Variants in WARS2 observed in about 807,000 individuals in gnomAD.
WARS2 encodes the protein tryptophanyl tRNA synthetase 2, mitochondrial.
Under a neutral mutation model 36.5 loss-of-function variants are expected in WARS2, and 28 were observed. The ratio of observed to expected loss-of-function variants is 0.77; its 90% CI spans 0.57 to 1.05. WARS2 has a LOEUF of 1.05. Among genes scored for constraint, WARS2 ranks in the 50% least tolerant of loss-of-function variants. WARS2 has a pLI of 0.00. For missense variants in WARS2, 435 were observed against 456.8 expected (o/e 0.95, Z 0.44); for synonymous variants, 174 against 178.4 (o/e 0.98, Z 0.20).
At chr1:119,085,958 C>T in intron 1 of WARS2, 1 of 1,610,020 alleles carries the variant, frequency 6.2e-7, no homozygotes, top group Non-Finnish European at 8.5e-7. Flanking sequence ...GGTTCATCTC[C>T]ACGGGCCCAA....
At position 119,031,296 on chromosome 1, in the gene WARS2, A is replaced by G. The variant is rs1390944364; in HGVS notation, c.*1615T>C. 2 of 152,216 alleles carry G rather than the reference A, an allele frequency of 1.3e-5. No individual in the cohort carries two copies. Among genetic ancestry groups the G allele is most frequent in the African/African-American group, 4.8e-5 (2 of 41,446 alleles). The allele number at this position is 152,216 out of a possible 1,614,324, so 9.4% of individuals were successfully genotyped here. ...CAAAGTTTCCTTTAAAGGGGAAAAA[A>G]CAGAGGCTTGTAAGAAATATGCTCA... On this transcript the variant is annotated 3_prime_UTR_variant, in exon 6 of 6. Coordinates refer to ENST00000235521, the MANE Select transcript of WARS2 (RefSeq NM_015836.4).
chr1:119,060,389 C>G (rs1014899500), intron 2 of WARS2, among the ~76,000 whole-genome samples: 2 of 152,188 alleles, frequency 1.3e-5, no homozygotes, highest in African/African-American at 4.8e-5. Flanking sequence ...AAGAGAAAAA[C>G]AGACAGATCT....
At chr1:119,092,239 T>C (rs896137901) in intron 1 of WARS2, among the ~76,000 whole-genome samples, 4 of 152,216 alleles carry the variant, frequency 2.6e-5, no homozygotes. Context: ...CCTAACTTAA[T>C]GTAGGGATGA....
At chr1:119,080,481 T>C (rs1197351420) in intron 1 of WARS2, among the ~76,000 whole-genome samples, 2 of 152,160 alleles carry the variant, frequency 1.3e-5, no homozygotes, top group Non-Finnish European at 2.9e-5. Context: ...TGGGATTCTA[T>C]ACATTAGTGC....
chr1:119,083,361 A>G (rs1243390411), intron 1 of WARS2, among the ~76,000 whole-genome samples: 1 of 152,166 alleles, frequency 6.6e-6, no homozygotes, highest in Non-Finnish European at 1.5e-5. Flanking sequence ...CATCTTGAAA[A>G]CAGAGAGCGG....
In WARS2 at chr1:119,033,282, C is replaced by T. The variant is rs1300524106; in HGVS notation, c.712G>A (p.Val238Ile). 2.5e-6 allele frequency: 4 copies of T among 1,614,226 alleles called. No homozygotes were observed. Among genetic ancestry groups the T allele is most frequent in the Non-Finnish European group, 3.4e-6 (4 of 1,180,044 alleles). ...TCCTCTGGGCTGTCTGTTATTCGGA[C>T]GGTGGCCAGTTTGTCAGGGTCTGAT... ...SKSDPDKLAT[V>I]RITDSPEEIV... is the part of the protein sequence containing the mutation. The change falls in exon 6 of 6, where the codon GTC becomes ATC. Residue 238 changes from valine to isoleucine, a missense_variant. Coordinates refer to ENST00000235521, the MANE Select transcript of WARS2 (RefSeq NM_015836.4).
chr1:119,090,629 T>C (rs951062603), intron 1 of WARS2, among the ~76,000 whole-genome samples: 2 of 152,160 alleles, frequency 1.3e-5, no homozygotes, highest in Admixed American at 6.6e-5. Context: ...TGCCAATACT[T>C]TGGGAGGCCG....
At chr1:119,049,977 G>T (rs1158980038) in intron 2 of WARS2, among the ~76,000 whole-genome samples, 1 of 152,058 alleles carries the variant, frequency 6.6e-6, no homozygotes, top group African/African-American at 2.4e-5. Flanking sequence ...TTACAACATA[G>T]ATCACATCAC....
chr1:119,079,674 G>A (rs1248689308), intron 1 of WARS2, among the ~76,000 whole-genome samples: 2 of 152,112 alleles, frequency 1.3e-5, no homozygotes, highest in African/African-American at 4.8e-5. Flanking sequence ...TTTTCCCCAA[G>A]TATTCCAAAT....
intron 2 of WARS2, among the ~76,000 whole-genome samples, chr1:119,058,256 T>C (rs1650009683): frequency 6.6e-6 from 1 of 152,082 alleles, no homozygotes; most frequent in African/African-American, 2.4e-5. Context: ...GAACCCTTCA[T>C]TGAAAATATT....
intron 1 of WARS2, among the ~76,000 whole-genome samples, chr1:119,119,852 T>C (rs587631085): frequency 6.6e-6 from 1 of 152,198 alleles, no homozygotes; most frequent in African/African-American, 2.4e-5. Flanking sequence ...TAAAAAATTA[T>C]TTGAACTGTG....
chr1:119,033,674 G>A (rs954346669), intron 5 of WARS2, among the ~76,000 whole-genome samples: 1 of 152,156 alleles, frequency 6.6e-6, no homozygotes, highest in Non-Finnish European at 1.5e-5. Flanking sequence ...CGCTGAAGGT[G>A]GGCTAGGCTA....
At chr1:119,129,393 A>G (rs1196948423) in intron 1 of WARS2, among the ~76,000 whole-genome samples, 1 of 152,216 alleles carries the variant, frequency 6.6e-6, no homozygotes, top group African/African-American at 2.4e-5. Context: ...ACATAGATTT[A>G]CCAGAAAGAT....
chr1:119,070,385 C>T (rs1214943960), intron 2 of WARS2, among the ~76,000 whole-genome samples: 1 of 152,012 alleles, frequency 6.6e-6, no homozygotes, highest in Admixed American at 6.5e-5. Context: ...CCTCAGCCTC[C>T]CTCCCAAGTA....
intron 1 of WARS2, among the ~76,000 whole-genome samples, chr1:119,133,975 GT>G (rs1656284154): frequency 6.6e-6 from 1 of 151,934 alleles, no homozygotes; most frequent in Non-Finnish European, 1.5e-5. Context: ...ACAAAATGCT[GT>G]ATTAAAATAG....
chr1:119,116,830 A>G (rs1403179239), intron 1 of WARS2, among the ~76,000 whole-genome samples: 1 of 152,196 alleles, frequency 6.6e-6, no homozygotes, highest in Non-Finnish European at 1.5e-5. Flanking sequence ...GCCACAGGCT[A>G]AGGGAAGCTC....
intron 1 of WARS2, chr1:119,127,203 C>T (rs587703721): frequency 4.1e-6 from 3 of 728,366 alleles, no homozygotes; most frequent in South Asian, 1.4e-5. Context: ...CACATCATAC[C>T]AATCCTTCTT....
At chr1:119,100,997 C>T (rs114505603) in intron 1 of WARS2, among the ~76,000 whole-genome samples, 2,989 of 152,048 alleles carry the variant, frequency 0.02, 89 homozygotes, top group African/African-American at 0.068. Flanking sequence ...TATGTAGGAG[C>T]TAAAATATTT....
intron 1 of WARS2, chr1:119,139,861 A>G (rs1330114499): frequency 6.6e-6 from 1 of 152,080 alleles, no homozygotes; most frequent in Non-Finnish European, 1.5e-5. Flanking sequence ...CTTTTTTGCT[A>G]TGAGGGTAAA....
Sources: allele counts gnomAD v4.1 joint callset (sites outside exome capture counted in the v4.1 genomes callset), GRCh38; gene constraint gnomAD v4.1.1; transcripts MANE v1.5; gene names NCBI Gene and HGNC (gene_info 2026-07-23, HGNC 2026-07-21).